Variants in OSBPL1A observed in about 807,000 individuals in gnomAD.
The protein encoded by OSBPL1A is oxysterol-binding protein-related protein 1.
Under a neutral mutation model 137.1 loss-of-function variants are expected in OSBPL1A, and 80 were observed. The observed-to-expected ratio is 0.58, with a 90% CI of 0.49 to 0.70. The LOEUF (loss-of-function observed/expected upper bound fraction) is 0.70, where lower values mean the gene tolerates loss of function less well. Among genes scored for constraint, OSBPL1A ranks in the 30% least tolerant of loss-of-function variants. The pLI is 0.00. For missense variants in OSBPL1A, 970 were observed against 1,129.4 expected (o/e 0.86, Z 2.02); for synonymous variants, 365 against 389.7 (o/e 0.94, Z 0.75).
intron 1 of OSBPL1A, among the ~76,000 whole-genome samples, chr18:24,384,957 A>ATT (rs199508399): frequency 2.8e-5 from 4 of 143,948 alleles, no homozygotes; most frequent in Non-Finnish European, 4.6e-5. Flanking sequence ...ATAGGTTAGA[A>ATT]TTTTTTTTTT....
intron 17 of OSBPL1A, among the ~76,000 whole-genome samples, chr18:24,206,082 G>C (rs933510732): frequency 6.6e-6 from 1 of 152,254 alleles, no homozygotes; most frequent in Admixed American, 6.5e-5. Context: ...GTAGAGATGG[G>C]GTTGCACCAT....
intron 18 of OSBPL1A, among the ~76,000 whole-genome samples, chr18:24,186,942 G>A (rs2086764125): frequency 6.9e-6 from 1 of 145,746 alleles, no homozygotes; most frequent in Admixed American, 6.9e-5. Context: ...AATTCAGACA[G>A]GCAAAAGGAA....
intron 7 of OSBPL1A, among the ~76,000 whole-genome samples, chr18:24,329,649 A>G (rs1711931116): frequency 6.6e-6 from 1 of 152,006 alleles, no homozygotes; most frequent in Admixed American, 6.6e-5. Context: ...AATTTTAATT[A>G]CATATAAAAT....
At chr18:24,206,476 T>G (rs1272039031) in intron 17 of OSBPL1A, among the ~76,000 whole-genome samples, 1 of 152,322 alleles carries the variant, frequency 6.6e-6, no homozygotes, top group South Asian at 2.1e-4. Flanking sequence ...AGAGTGAAAG[T>G]GCTGGGACAA....
chr18:24,359,975 G>GCT (rs2091597029), intron 4 of OSBPL1A, among the ~76,000 whole-genome samples: 1 of 152,114 alleles, frequency 6.6e-6, no homozygotes, highest in African/African-American at 2.4e-5. Flanking sequence ...TGTTTGTTCT[G>GCT]TTTTTGTTTG....
intron 18 of OSBPL1A, among the ~76,000 whole-genome samples, chr18:24,191,829 G>C (rs1285748400): frequency 6.6e-6 from 1 of 152,050 alleles, no homozygotes; most frequent in African/African-American, 2.4e-5. Flanking sequence ...CCTACAAAAA[G>C]GACACGAAGT....
chr18:24,230,356 A>G (rs1204805889), intron 16 of OSBPL1A, among the ~76,000 whole-genome samples: 1 of 152,144 alleles, frequency 6.6e-6, no homozygotes, highest in Non-Finnish European at 1.5e-5. Context: ...TAGGAAAGTA[A>G]AGGTTCTTAA....
intron 4 of OSBPL1A, among the ~76,000 whole-genome samples, chr18:24,346,192 GCAGT>G (rs1237470978): frequency 3.3e-5 from 5 of 152,162 alleles, no homozygotes; most frequent in Non-Finnish European, 5.9e-5. Context: ...TTTCCGCTCA[GCAGT>G]CAGTCATTCC....
At chr18:24,224,174 T>C (rs555729108) in intron 17 of OSBPL1A, among the ~76,000 whole-genome samples, 1 of 152,004 alleles carries the variant, frequency 6.6e-6, no homozygotes, top group African/African-American at 2.4e-5. Flanking sequence ...AAAGGGAAAA[T>C]ACACATAAGC....
rs1379031647 is a variant in OSBPL1A, at chr18:24,175,115, T to TATATATATATATATAC, written c.2094-2633_2094-2632insGTATATATATATATAT. On this transcript the variant is annotated intron_variant, in intron 21 of 27. Transcript: ENST00000319481. ...CTTATTTGCCATGTGTATGTATATA[T>TATATATATATATATAC]ATATATATATATATATATATACACA... Among the ~76,000 whole-genome samples, 30 of 29,186 alleles carry TATATATATATATATAC rather than the reference T, an allele frequency of 1.0e-3. 1 individual carries two copies. The highest frequency in any genetic ancestry group is 2.0e-3 in the African/African-American group (29 of 14,418). The allele number at this position is 29,186 out of a possible 152,430, so 19.1% of individuals were successfully genotyped here.
At chr18:24,314,134 A>G in intron 12 of OSBPL1A, 115 bp downstream of exon 12, 1 of 617,424 alleles carries the variant, frequency 1.6e-6, no homozygotes, top group Non-Finnish European at 2.6e-6. Flanking sequence ...AATTTAAAAA[A>G]ATTAAAAGTA....
chr18:24,209,330 C>T (rs1249039663), intron 17 of OSBPL1A, among the ~76,000 whole-genome samples: 1 of 152,118 alleles, frequency 6.6e-6, no homozygotes, highest in Non-Finnish European at 1.5e-5. Context: ...CATTCAAAAT[C>T]AATAAGAAAA....
intron 1 of OSBPL1A, among the ~76,000 whole-genome samples, chr18:24,396,076 G>A (rs994058431): frequency 6.6e-6 from 1 of 151,512 alleles, no homozygotes; most frequent in African/African-American, 2.4e-5. Flanking sequence ...AAAATTAGCC[G>A]GGCATGGTGG....
intron 15 of OSBPL1A, among the ~76,000 whole-genome samples, chr18:24,248,226 A>G (rs1010839438): frequency 3.3e-5 from 5 of 152,222 alleles, no homozygotes; most frequent in African/African-American, 1.2e-4. Flanking sequence ...GAAACAGACA[A>G]AGATGTCCTC....
intron 16 of OSBPL1A, among the ~76,000 whole-genome samples, chr18:24,238,280 T>G (rs1045109784): frequency 8.5e-5 from 13 of 152,208 alleles, no homozygotes; most frequent in African/African-American, 3.1e-4. Flanking sequence ...CTGTATATGC[T>G]CACCTATTAT....
intron 1 of OSBPL1A, among the ~76,000 whole-genome samples, chr18:24,384,116 A>G (rs1258356122): frequency 3.3e-5 from 5 of 152,250 alleles, no homozygotes; most frequent in African/African-American, 7.2e-5. Context: ...TAAGAAGTTC[A>G]CCAAGATCAC....
At chr18:24,342,562 T>C (rs953073917) in intron 4 of OSBPL1A, among the ~76,000 whole-genome samples, 5 of 152,184 alleles carry the variant, frequency 3.3e-5, no homozygotes, top group Non-Finnish European at 5.9e-5. Flanking sequence ...CGTTATGCTG[T>C]CCTAGGAATT....
intron 21 of OSBPL1A, among the ~76,000 whole-genome samples, chr18:24,176,572 C>T (rs902995364): frequency 5.9e-5 from 9 of 152,002 alleles, no homozygotes; most frequent in Admixed American, 2.0e-4. Flanking sequence ...ATTCTGCACA[C>T]CTGAATATTG....
chr18:24,341,210 T>C lies in OSBPL1A; in HGVS notation c.394+337A>G, dbSNP rs1308984581. On this transcript the variant is annotated intron_variant, in intron 5 of 27. Transcript: ENST00000319481. ...TTGTAGAGACAGGGGTTTCGCCATGTTGCCCAGACTAGTCTAGAACTCCTA... is the reference window on the plus strand; with the variant it reads ...TTGTAGAGACAGGGGTTTCGCCATGCTGCCCAGACTAGTCTAGAACTCCTA... Among the ~76,000 whole-genome samples the C allele has an allele frequency of 3.3e-5, 5 of 152,186 alleles. No homozygotes were observed. The South Asian group carries it at 1.0e-3, about 31-fold the overall frequency.
Sources: allele counts gnomAD v4.1 joint callset (sites outside exome capture counted in the v4.1 genomes callset), GRCh38; gene constraint gnomAD v4.1.1; transcripts MANE v1.5; gene names NCBI Gene and HGNC (gene_info 2026-07-23, HGNC 2026-07-21).